DYNC2LI1: variants seen among roughly 807,000 people sequenced by gnomAD.
The protein encoded by DYNC2LI1 is cytoplasmic dynein 2 light intermediate chain 1.
DYNC2LI1 carries 45 observed loss-of-function variants against 51.9 expected under a neutral mutation model. The observed-to-expected ratio is 0.87, with a 90% CI of 0.68 to 1.11. DYNC2LI1 has a LOEUF of 1.11. Among genes scored for constraint, DYNC2LI1 ranks in the 50% most tolerant of loss-of-function variants. DYNC2LI1 has a pLI of 0.00. For missense variants in DYNC2LI1, 490 were observed against 417.4 expected, an observed-to-expected ratio of 1.17 and a Z score of -1.51; for synonymous variants, 130 against 137.8, an observed-to-expected ratio of 0.94 and a Z score of 0.40.
intron 2 of DYNC2LI1, chr2:43,781,705 C>G (rs961865830): frequency 6.6e-6 from 1 of 151,600 alleles, no homozygotes; most frequent in Non-Finnish European, 1.5e-5. Context: ...TGGGTTCACA[C>G]CATTCTCCTG....
intron 3 of DYNC2LI1, among the ~76,000 whole-genome samples, chr2:43,784,725 C>T (rs114997317): frequency 3.3e-5 from 5 of 152,058 alleles, no homozygotes; most frequent in African/African-American, 4.8e-5. Flanking sequence ...TGAGCCACCA[C>T]GCCTGGCCCT....
chr2:43,811,711 C>T (rs577001269), downstream of DYNC2LI1, among the ~76,000 whole-genome samples: 565 of 152,050 alleles, frequency 3.7e-3, 3 homozygotes, highest in Non-Finnish European at 5.1e-3. Flanking sequence ...TCTCCTGCCT[C>T]AGCCTCCCAA....
chr2:43,790,691 T>C (rs966458126), intron 5 of DYNC2LI1, among the ~76,000 whole-genome samples: 1 of 152,164 alleles, frequency 6.6e-6, no homozygotes, highest in African/African-American at 2.4e-5. Context: ...CACTTTAACA[T>C]GTTGAGGTAT....
chr2:43,783,678 G>A, intron 3 of DYNC2LI1, 124 bp downstream of exon 3: 2 of 601,858 alleles, frequency 3.3e-6, no homozygotes, highest in East Asian at 3.1e-5. Flanking sequence ...TTAATTCTTA[G>A]CAAATCCTTA....
intron 5 of DYNC2LI1, chr2:43,792,548 A>AT: frequency 1.1e-6 from 1 of 917,230 alleles, no homozygotes; most frequent in Non-Finnish European, 1.5e-6. Context: ...AATTTTAGTC[A>AT]TTTTTAACTG....
At chr2:43,780,200 T>C (rs1673211499) in intron 2 of DYNC2LI1, among the ~76,000 whole-genome samples, 1 of 152,130 alleles carries the variant, frequency 6.6e-6, no homozygotes, top group Non-Finnish European at 1.5e-5. Flanking sequence ...TTTGTACATG[T>C]GATTTTGGAA....
the DYNC2LI1 span, chr2:43,820,232 T>C: frequency 9.7e-7 from 1 of 1,032,720 alleles, no homozygotes. Flanking sequence ...CACACTCCCC[T>C]TTGAAAGGCC....
intron 8 of DYNC2LI1, among the ~76,000 whole-genome samples, chr2:43,799,200 C>G (rs1665991445): frequency 6.6e-6 from 1 of 152,074 alleles, no homozygotes; most frequent in South Asian, 2.1e-4. Context: ...ACTTAGGAGG[C>G]TGAGGCAGGG....
the DYNC2LI1 span, among the ~76,000 whole-genome samples, chr2:43,815,747 G>C: frequency 3.3e-5 from 5 of 152,128 alleles, no homozygotes; most frequent in Non-Finnish European, 7.3e-5. Flanking sequence ...TGGGAGGGGA[G>C]CTCGGAACAA....
At chr2:43,824,347 C>A in the DYNC2LI1 span, 1 of 1,614,128 alleles carries the variant, frequency 6.2e-7, no homozygotes, top group South Asian at 1.1e-5. Flanking sequence ...TTGCTGATTT[C>A]TTGTAGGCAG....
rs1047961734 is a variant in DYNC2LI1, at chr2:43,804,811, G to T, written c.900+72G>T. On this transcript the variant is annotated intron_variant, in intron 11 of 12. Coordinates refer to ENST00000260605, the MANE Select transcript of DYNC2LI1 (RefSeq NM_016008.4). ...AACAGTTATAGGAAATGTGTCAAAG[G>T]GCTTATTATGATAACTTTGTTTTCA... is the stretch of plus-strand genomic sequence containing the variant. 3.2e-5 allele frequency: 28 copies of T among 880,810 alleles called. No individual in the cohort carries two copies. The Admixed American group carries it at 6.4e-4, about 20-fold the overall frequency. The allele number at this position is 880,810 out of a possible 1,614,324, so 54.6% of individuals were successfully genotyped here.
chr2:43,788,926 C>T (rs1673648620), intron 4 of DYNC2LI1, among the ~76,000 whole-genome samples: 1 of 152,218 alleles, frequency 6.6e-6, no homozygotes, highest in African/African-American at 2.4e-5. Context: ...TGAACCACTG[C>T]ACCCAACCCT....
At chr2:43,792,820 G>A (rs1230599445) in intron 5 of DYNC2LI1, 12 of 1,516,690 alleles carry the variant, frequency 7.9e-6, no homozygotes, top group Admixed American at 4.2e-5. Flanking sequence ...TTTGTAGTAT[G>A]TGTCAGGATT....
At chr2:43,801,899 G>T (rs1043403309) in intron 10 of DYNC2LI1, among the ~76,000 whole-genome samples, 190 bp downstream of exon 10, 1 of 152,132 alleles carries the variant, frequency 6.6e-6, no homozygotes, top group Non-Finnish European at 1.5e-5. Flanking sequence ...TGTGATGGAA[G>T]TGATGTCACC....
intron 8 of DYNC2LI1, among the ~76,000 whole-genome samples, chr2:43,797,293 A>T (rs1665902101): frequency 6.6e-6 from 1 of 152,102 alleles, no homozygotes; most frequent in Admixed American, 6.5e-5. Context: ...ACTTAATTTC[A>T]CTTAAGCCTC....
chr2:43,819,922 A>G, the DYNC2LI1 span: 2 of 1,614,184 alleles, frequency 1.2e-6, no homozygotes, highest in Non-Finnish European at 1.7e-6. Context: ...TACCTGAGGA[A>G]TCCAGATCCA....
the DYNC2LI1 span, chr2:43,828,241 C>G: frequency 7.8e-7 from 1 of 1,277,746 alleles, no homozygotes; most frequent in Non-Finnish European, 1.1e-6. Context: ...TCCAGACTCA[C>G]CACACCCTGG....
Position 43,789,689 on chromosome 2 carries a change from A to T in DYNC2LI1, c.288A>T (p.Leu96Phe). 1 of 1,613,930 alleles carries T rather than the reference A, an allele frequency of 6.2e-7. No individual in the cohort carries two copies. The highest frequency in any genetic ancestry group is 1.1e-5 in the South Asian group (1 of 91,060). ...GTGGAGGAACCTCTTTATTGGACTT[A>T]ATCAGCATACCCATCACAGGTGACA... ...ELGGGTSLLD[L>F]ISIPITGDTL... Residue 96 changes from leucine (L) to phenylalanine (F), a missense_variant, in exon 5 of 13, where the codon TTA becomes TTT. Leu to Phe is a conservative substitution (Grantham distance 22, BLOSUM62 0). Transcript: ENST00000260605.
intron 8 of DYNC2LI1, among the ~76,000 whole-genome samples, chr2:43,797,206 C>T (rs942315293): frequency 1.3e-5 from 2 of 152,132 alleles, no homozygotes; most frequent in African/African-American, 4.8e-5. Flanking sequence ...AAGTTAAAAA[C>T]ATGAAATCTG....
Sources: allele counts gnomAD v4.1 joint callset (sites outside exome capture counted in the v4.1 genomes callset), GRCh38; gene constraint gnomAD v4.1.1; transcripts MANE v1.5; gene names NCBI Gene and HGNC (gene_info 2026-07-23, HGNC 2026-07-21).